The following ATP10A variants were observed in gnomAD, a reference collection of about 807,000 sequenced individuals.
ATP10A encodes the protein ATPase phospholipid transporting 10A (putative).
ATP10A carries 111 observed loss-of-function variants against 147.8 expected under a neutral mutation model. The observed-to-expected ratio is 0.75, with a 90% CI of 0.64 to 0.88. The LOEUF (loss-of-function observed/expected upper bound fraction) is 0.88, where lower values mean the gene tolerates loss of function less well. ATP10A is among the 40% of genes least tolerant of loss of function. The probability of loss-of-function intolerance (pLI) is 0.00; values close to 1 mark genes in which losing one functional copy is unlikely to be tolerated. For missense variants in ATP10A, 1,927 were observed against 1,959.0 expected (o/e 0.98, Z 0.31); for synonymous variants, 875 against 841.6 (o/e 1.04, Z -0.69).
intron 3 of ATP10A, among the ~76,000 whole-genome samples, chr15:25,728,880 T>TCCTGCG (rs1248877715): frequency 2.0e-5 from 3 of 152,102 alleles, no homozygotes; most frequent in Non-Finnish European, 2.9e-5. Context: ...GGGAACGTAC[T>TCCTGCG]CCTGCGTGAA....
intron 6 of ATP10A, among the ~76,000 whole-genome samples, chr15:25,722,150 T>A (rs1398401947): frequency 1.3e-5 from 2 of 152,096 alleles, no homozygotes; most frequent in African/African-American, 4.8e-5. Context: ...CACTATGGTG[T>A]CTGGAAGTAT....
intron 1 of ATP10A, among the ~76,000 whole-genome samples, chr15:25,798,675 G>A (rs1017212868): frequency 5.9e-5 from 9 of 152,182 alleles, no homozygotes; most frequent in Non-Finnish European, 8.8e-5. Flanking sequence ...GCACTGTGCC[G>A]GACTCCCATC....
rs1232415458 is a variant in ATP10A, at chr15:25,862,876, A to G, written c.221T>C (p.Phe74Ser). Reference protein sequence around the residue: ...LKTTKYTLLSFLPKNLFEQFH... With the variant: ...LKTTKYTLLSSLPKNLFEQFH... ...CTGCTCGAACAGGTTCTTGGGCAGGAAGGACAGCAGCGTGTACTTGGTAGT... is the reference window on the plus strand; with the variant it reads ...CTGCTCGAACAGGTTCTTGGGCAGGGAGGACAGCAGCGTGTACTTGGTAGT... The change falls in exon 1 of 21, where the codon TTC becomes TCC. Residue 74 changes from phenylalanine (F) to serine (S), a missense_variant. Physicochemically the swap from Phe to Ser is radical, Grantham distance 155. Transcript: ENST00000555815. 6.2e-7 allele frequency: 1 copy of G among 1,612,160 alleles called. No homozygotes were observed. The highest frequency in any genetic ancestry group is 8.5e-7 in the Non-Finnish European group (1 of 1,179,314).
At chr15:25,776,998 A>T (rs1889638704) in intron 2 of ATP10A, among the ~76,000 whole-genome samples, 1 of 152,118 alleles carries the variant, frequency 6.6e-6, no homozygotes, top group Non-Finnish European at 1.5e-5. Context: ...CATACTGGGC[A>T]TCACTGGTGA....
intron 1 of ATP10A, among the ~76,000 whole-genome samples, chr15:25,831,867 C>T (rs1355664918): frequency 4.6e-5 from 7 of 152,174 alleles, no homozygotes; most frequent in Non-Finnish European, 7.3e-5. Context: ...TAGGACAGTG[C>T]CAGTACGTGA....
intron 8 of ATP10A, 116 bp downstream of exon 8, chr15:25,718,066 G>A (rs1040930618): frequency 5.2e-6 from 6 of 1,145,054 alleles, no homozygotes; most frequent in African/African-American, 3.1e-5. Context: ...GTAGAGCCAA[G>A]CCGCCCAGCG....
Position 25,694,895 on chromosome 15 carries a change from A to G in ATP10A, c.3012T>C (p.Cys1004=). 1 of 1,614,178 alleles carries G rather than the reference A, an allele frequency of 6.2e-7. No homozygotes were observed. ...LAKQCRSVLC[C]RSTPLQKSMV... ...TGCTCTTCTGCAGAGGCGTCGACCG[A>G]CAGCAGAGGACGGAGCGGCACTGCT... Residue 1004 remains cysteine (C), a synonymous_variant, in exon 14 of 21, where the codon TGT becomes TGC. Coordinates refer to ENST00000555815, the MANE Select transcript of ATP10A (RefSeq NM_024490.4).
At chr15:25,687,945 T>G in intron 15 of ATP10A, 117 bp from the exon 16 acceptor site, 1 of 1,473,564 alleles carries the variant, frequency 6.8e-7, no homozygotes, top group Non-Finnish European at 9.4e-7. Flanking sequence ...CTGAACACAG[T>G]GCGAGCGTGG....
At chr15:25,687,965 G>A in intron 15 of ATP10A, 137 bp from the exon 16 acceptor site, 1 of 1,199,284 alleles carries the variant, frequency 8.3e-7, no homozygotes, top group Non-Finnish European at 1.2e-6. Flanking sequence ...GCCGGCCAGG[G>A]TCTCCATCGC....
rs1230356241 is a variant in ATP10A, at chr15:25,833,975, A to G, written c.449+28673T>C. On this transcript the variant is annotated intron_variant, in intron 1 of 20. Transcript: ENST00000555815. ...CAACAGAGGGAGACTGTGTCTCAAA[A>G]AAAACGAACAAACAAAAAAAAAACA... Among the ~76,000 whole-genome samples, 3 of 151,744 alleles carry G rather than the reference A, an allele frequency of 2.0e-5. No individual in the cohort carries two copies. The South Asian group carries it at 6.2e-4, about 31-fold the overall frequency.
chr15:25,820,274 T>G (rs983916213), intron 1 of ATP10A, among the ~76,000 whole-genome samples: 6 of 152,202 alleles, frequency 3.9e-5, no homozygotes, highest in African/African-American at 1.4e-4. Flanking sequence ...GGTAGGTCCA[T>G]TCACCATAAC....
At chr15:25,773,281 C>T (rs1258506149) in intron 2 of ATP10A, among the ~76,000 whole-genome samples, 1 of 152,152 alleles carries the variant, frequency 6.6e-6, no homozygotes, top group Non-Finnish European at 1.5e-5. Context: ...GAAAGCATTG[C>T]ATAGGTTGAA....
At chr15:25,857,777 G>C (rs1893579941) in intron 1 of ATP10A, among the ~76,000 whole-genome samples, 1 of 152,146 alleles carries the variant, frequency 6.6e-6, no homozygotes, top group Non-Finnish European at 1.5e-5. Flanking sequence ...TAATAACTGT[G>C]AACACGGGGT....
intron 9 of ATP10A, among the ~76,000 whole-genome samples, chr15:25,714,967 C>CAT (rs1363542557): frequency 4.0e-5 from 2 of 49,954 alleles, no homozygotes; most frequent in African/African-American, 2.9e-4. Flanking sequence ...GACACATATA[C>CAT]ACACACACAC....
At chr15:25,759,289 T>C (rs1050117244) in intron 2 of ATP10A, among the ~76,000 whole-genome samples, 2 of 152,194 alleles carry the variant, frequency 1.3e-5, no homozygotes, top group African/African-American at 4.8e-5. Flanking sequence ...ATTTTTATCC[T>C]CAGGTAGAAG....
chr15:25,745,757 A>G (rs72625121), intron 2 of ATP10A, among the ~76,000 whole-genome samples: 10,918 of 152,302 alleles, frequency 0.072, 935 homozygotes, highest in Admixed American at 0.19. Flanking sequence ...GAGAATAAAA[A>G]GATGTTTTTT....
At chr15:25,792,563 T>C (rs1890476762) in intron 1 of ATP10A, among the ~76,000 whole-genome samples, 1 of 152,122 alleles carries the variant, frequency 6.6e-6, no homozygotes, top group Non-Finnish European at 1.5e-5. Context: ...CTGCAAATGC[T>C]CCCGGGGGTT....
chr15:25,768,949 A>C (rs2140656520), intron 2 of ATP10A, among the ~76,000 whole-genome samples: 1 of 152,254 alleles, frequency 6.6e-6, no homozygotes, highest in South Asian at 2.1e-4. Flanking sequence ...CCTTGAAGGA[A>C]ATGCTAAGAA....
At chr15:25,713,359 C>A (rs1167235955) in intron 10 of ATP10A, among the ~76,000 whole-genome samples, 2 of 152,230 alleles carry the variant, frequency 1.3e-5, no homozygotes, top group Non-Finnish European at 2.9e-5. Context: ...GCAGGAAGAA[C>A]TTTCTAGAGC....
Sources: gnomAD v4.1 joint callset for allele counts (sites outside exome capture counted in the v4.1 genomes callset) on GRCh38, gnomAD v4.1.1 for gene constraint, MANE v1.5 for transcripts, NCBI Gene and HGNC (gene_info 2026-07-23, HGNC 2026-07-21) for gene names.